FHOD3: variants seen among roughly 807,000 people sequenced by gnomAD.
FHOD3 encodes formin homology 2 domain containing 3.
Under a neutral mutation model 173.0 loss-of-function variants are expected in FHOD3, and 90 were observed. The observed-to-expected ratio is 0.52, with a 90% CI of 0.44 to 0.62. FHOD3 has a LOEUF of 0.62. Ranked by LOEUF, FHOD3 falls within the 20% of genes least tolerant of loss-of-function variation. FHOD3 has a pLI of 0.00. For missense variants in FHOD3, 1,945 were observed against 2,034.7 expected (o/e 0.96, Z 0.85); for synonymous variants, 828 against 823.0 (o/e 1.01, Z -0.10).
chr18:36,314,395 G>T (rs1300803055), intron 1 of FHOD3, among the ~76,000 whole-genome samples: 1 of 152,212 alleles, frequency 6.6e-6, no homozygotes, highest in African/African-American at 2.4e-5. Context: ...AAGCAAAGCA[G>T]CAAGTGGCAC....
At chr18:36,643,510 A>T (rs1005837507) in intron 10 of FHOD3, among the ~76,000 whole-genome samples, 2 of 152,192 alleles carry the variant, frequency 1.3e-5, no homozygotes, top group Non-Finnish European at 2.9e-5. Context: ...TCATGATATT[A>T]ATGTTTAATT....
At chr18:36,389,265 T>G (rs927027624) in intron 3 of FHOD3, among the ~76,000 whole-genome samples, 1 of 152,038 alleles carries the variant, frequency 6.6e-6, no homozygotes, top group Non-Finnish European at 1.5e-5. Flanking sequence ...TTTCCTTTCT[T>G]CTCCCTTAGG....
chr18:36,512,886 C>T lies in FHOD3; in HGVS notation c.511+343C>T, dbSNP rs536032546. 2.6e-4 allele frequency among the ~76,000 whole-genome samples: 39 copies of T among 152,248 alleles called. No homozygotes were observed. In the Middle Eastern group the frequency reaches 0.01, roughly 40 times the overall value. On this transcript the variant is annotated intron_variant, in intron 5 of 28. Transcript: ENST00000590592. ...TAAAGCCTGCATCTCAGCAGAAAGC[C>T]ACCCCAAACCAAAGGGGGCAATTTA...
At chr18:36,572,034 C>T (rs1159078292) in intron 5 of FHOD3, among the ~76,000 whole-genome samples, 2 of 152,184 alleles carry the variant, frequency 1.3e-5, no homozygotes, top group East Asian at 3.8e-4. Context: ...GCGTGTGCTT[C>T]TGTTCATTGG....
At chr18:36,694,749 G>A (rs140766665) in intron 17 of FHOD3, among the ~76,000 whole-genome samples, 2 of 152,262 alleles carry the variant, frequency 1.3e-5, no homozygotes, top group South Asian at 4.1e-4. Context: ...GAACAGCTCC[G>A]AGCTGAGAGG....
At chr18:36,406,494 G>A (rs1248689893) in intron 3 of FHOD3, among the ~76,000 whole-genome samples, 1 of 152,120 alleles carries the variant, frequency 6.6e-6, no homozygotes, top group Admixed American at 6.5e-5. Context: ...AGGAGTGGTT[G>A]GGGGTGGGGA....
intron 28 of FHOD3, among the ~76,000 whole-genome samples, chr18:36,770,795 CCACA>C (rs1187021842): frequency 1.3e-5 from 2 of 152,070 alleles, no homozygotes; most frequent in African/African-American, 4.8e-5. Context: ...TGGGCTGCAC[CCACA>C]CACACTACTT....
intron 3 of FHOD3, among the ~76,000 whole-genome samples, chr18:36,478,429 T>C (rs1265192467): frequency 6.6e-6 from 1 of 152,224 alleles, no homozygotes; most frequent in Non-Finnish European, 1.5e-5. Flanking sequence ...CCAATCATAC[T>C]CTTCTAGTTA....
chr18:36,765,970 T>C (rs1038949269), intron 27 of FHOD3, among the ~76,000 whole-genome samples: 3 of 151,692 alleles, frequency 2.0e-5, no homozygotes, highest in Non-Finnish European at 4.4e-5. Context: ...ACCAACATAT[T>C]TAAGAAACTT....
At chr18:36,337,511 A>G (rs757583337) in intron 1 of FHOD3, among the ~76,000 whole-genome samples, 3 of 152,076 alleles carry the variant, frequency 2.0e-5, no homozygotes, top group Non-Finnish European at 4.4e-5. Context: ...GCAGCGTTTC[A>G]CTTTTGCTGT....
At chr18:36,633,242 T>C (rs79818359) in intron 10 of FHOD3, among the ~76,000 whole-genome samples, 3,898 of 152,302 alleles carry the variant, frequency 0.026, 177 homozygotes, top group African/African-American at 0.09. Context: ...TCACCCAACT[T>C]CTCAGATCTT....
At chr18:36,549,919 G>A (rs1186893790) in intron 5 of FHOD3, among the ~76,000 whole-genome samples, 2 of 151,198 alleles carry the variant, frequency 1.3e-5, no homozygotes, top group East Asian at 3.9e-4. Flanking sequence ...TTTCTAGAAG[G>A]TTTTAGTTTT....
chr18:36,719,422 G>A (rs1175990394), intron 19 of FHOD3, among the ~76,000 whole-genome samples: 2 of 61,520 alleles, frequency 3.3e-5, no homozygotes, highest in Admixed American at 2.0e-4. Context: ...AATTTACACT[G>A]ATAAACTGCA....
At chr18:36,462,503 TTG>T (rs1312499698) in intron 3 of FHOD3, among the ~76,000 whole-genome samples, 1 of 152,156 alleles carries the variant, frequency 6.6e-6, no homozygotes, top group Non-Finnish European at 1.5e-5. Context: ...AGCTAATTTT[TTG>T]TGTTTTTAGT....
chr18:36,429,247 G>C (rs569873484), intron 3 of FHOD3, among the ~76,000 whole-genome samples: 2 of 152,200 alleles, frequency 1.3e-5, no homozygotes, highest in Non-Finnish European at 2.9e-5. Context: ...GTTTGTGTCT[G>C]CTGTGTCTGT....
At chr18:36,491,004 G>A (rs1212005594) in intron 3 of FHOD3, among the ~76,000 whole-genome samples, 2 of 152,144 alleles carry the variant, frequency 1.3e-5, no homozygotes, top group Non-Finnish European at 2.9e-5. Flanking sequence ...TGAACACCAG[G>A]CACCTACCCC....
intron 3 of FHOD3, among the ~76,000 whole-genome samples, chr18:36,393,512 G>A (rs1395642678): frequency 2.0e-5 from 3 of 152,160 alleles, no homozygotes; most frequent in Non-Finnish European, 4.4e-5. Context: ...CCCTTTGAGG[G>A]CAAAAGTGGT....
chr18:36,721,873 A>G (rs1403169176), intron 19 of FHOD3, among the ~76,000 whole-genome samples: 1 of 152,238 alleles, frequency 6.6e-6, no homozygotes, highest in East Asian at 1.9e-4. Context: ...ACTTCACAAG[A>G]CAGCACAAAA....
intron 28 of FHOD3, among the ~76,000 whole-genome samples, chr18:36,774,359 C>A (rs568003790): frequency 2.0e-4 from 31 of 152,348 alleles, no homozygotes; most frequent in African/African-American, 6.7e-4. Flanking sequence ...AGTGCTGTCT[C>A]AGCCTCAGTG....
Sources: allele counts gnomAD v4.1 joint callset (sites outside exome capture counted in the v4.1 genomes callset), GRCh38; gene constraint gnomAD v4.1.1; transcripts MANE v1.5; gene names NCBI Gene and HGNC (gene_info 2026-07-23, HGNC 2026-07-21).